Variants in NEGR1 observed in about 807,000 individuals in gnomAD.
NEGR1 encodes the protein neuronal growth regulator 1, also known as IgLON family member 4.
Under a neutral mutation model 40.9 loss-of-function variants are expected in NEGR1, and 10 were observed. The observed-to-expected ratio is 0.24, with a 90% CI of 0.15 to 0.42. NEGR1 has a LOEUF of 0.42. Among genes scored for constraint, NEGR1 ranks in the 10% least tolerant of loss-of-function variants. The pLI is 1.00. For synonymous variants in NEGR1, 185 were observed against 166.8 expected (o/e 1.11, Z -0.84); for missense variants, 352 against 438.9 (o/e 0.80, Z 1.77).
At chr1:72,091,898 CGTGT>C (rs150316693) in intron 1 of NEGR1, among the ~76,000 whole-genome samples, 2 of 151,052 alleles carry the variant, frequency 1.3e-5, no homozygotes, top group East Asian at 1.9e-4. Context: ...CCTCACATAA[CGTGT>C]GTGTGTGTGT....
chr1:71,693,289 A>C (rs1241495267), intron 4 of NEGR1, among the ~76,000 whole-genome samples: 1 of 151,682 alleles, frequency 6.6e-6, no homozygotes, highest in Admixed American at 6.6e-5. Flanking sequence ...GAGAAAAAAA[A>C]TTAATTGTGA....
intron 1 of NEGR1, among the ~76,000 whole-genome samples, chr1:72,006,793 C>T (rs2100392908): frequency 6.6e-6 from 1 of 152,242 alleles, no homozygotes; most frequent in East Asian, 1.9e-4. Context: ...CTTGCAAAGA[C>T]AAGGTTAGAC....
chr1:72,211,591 G>T (rs1653609424), intron 1 of NEGR1, among the ~76,000 whole-genome samples: 1 of 150,286 alleles, frequency 6.7e-6, no homozygotes, highest in Admixed American at 6.7e-5. Flanking sequence ...GTAGGACAAT[G>T]GCATTCATTT....
At chr1:72,203,167 T>A (rs901232349) in intron 1 of NEGR1, among the ~76,000 whole-genome samples, 15 of 152,094 alleles carry the variant, frequency 9.9e-5, no homozygotes, top group Non-Finnish European at 1.6e-4. Flanking sequence ...AGGCTATAGA[T>A]GTCATAGACA....
At chr1:71,549,134 C>G (rs1277889036) in intron 6 of NEGR1, among the ~76,000 whole-genome samples, 1 of 151,684 alleles carries the variant, frequency 6.6e-6, no homozygotes, top group Non-Finnish European at 1.5e-5. Flanking sequence ...TTACTATATC[C>G]TAAACATTAT....
At chr1:71,667,580 G>C (rs1343137488) in intron 4 of NEGR1, among the ~76,000 whole-genome samples, 2 of 152,092 alleles carry the variant, frequency 1.3e-5, no homozygotes, top group African/African-American at 4.8e-5. Context: ...TTTCTGGGAA[G>C]GTCTTAAAGA....
chr1:71,538,136 G>A (rs1195186099), intron 6 of NEGR1, among the ~76,000 whole-genome samples: 2 of 151,592 alleles, frequency 1.3e-5, no homozygotes, highest in African/African-American at 4.8e-5. Flanking sequence ...TACTTCCTTA[G>A]TAAACGTAAT....
intron 5 of NEGR1, among the ~76,000 whole-genome samples, chr1:71,593,641 A>C (rs554097290): frequency 6.6e-6 from 1 of 152,172 alleles, no homozygotes; most frequent in African/African-American, 2.4e-5. Flanking sequence ...GCTATACCCA[A>C]ATTCAAACTA....
intron 1 of NEGR1, among the ~76,000 whole-genome samples, chr1:71,976,342 G>A (rs757208313): frequency 1.3e-5 from 2 of 152,172 alleles, no homozygotes; most frequent in Non-Finnish European, 1.5e-5. Flanking sequence ...GTACGTGAAC[G>A]AAGAGATAAA....
intron 2 of NEGR1, among the ~76,000 whole-genome samples, chr1:71,882,854 T>G (rs1217012429): frequency 1.3e-5 from 2 of 152,086 alleles, no homozygotes. Flanking sequence ...TATGAGTAAT[T>G]TCCTTTGCCT....
At chr1:71,791,934 G>C (rs1657134191) in intron 2 of NEGR1, among the ~76,000 whole-genome samples, 1 of 152,042 alleles carries the variant, frequency 6.6e-6, no homozygotes, top group African/African-American at 2.4e-5. Flanking sequence ...ATCAGCATTT[G>C]GAAATAAACA....
At chr1:71,599,873 G>T (rs547297340) in intron 5 of NEGR1, among the ~76,000 whole-genome samples, 2 of 152,170 alleles carry the variant, frequency 1.3e-5, no homozygotes, top group Admixed American at 1.3e-4. Context: ...CTACAGTACA[G>T]ATGTCAAGCC....
At chr1:72,026,935 G>T (rs953814956) in intron 1 of NEGR1, among the ~76,000 whole-genome samples, 15 of 151,360 alleles carry the variant, frequency 9.9e-5, no homozygotes, top group East Asian at 2.0e-4. Flanking sequence ...TTGTTTTTTG[G>T]TTTTTTTTGA....
At chr1:71,616,422 G>A (rs916607426) in intron 4 of NEGR1, among the ~76,000 whole-genome samples, 2 of 152,260 alleles carry the variant, frequency 1.3e-5, no homozygotes, top group Non-Finnish European at 2.9e-5. Flanking sequence ...CTGAGGTGGA[G>A]CTGAGGCAGT....
rs571469999 is a variant in NEGR1, at chr1:71,745,645, G to C, written c.535+30527C>G. Among the ~76,000 whole-genome samples, 3 of 152,240 alleles carry C rather than the reference G, an allele frequency of 2.0e-5. No homozygotes were observed. In the South Asian group the frequency reaches 6.2e-4, roughly 32 times the overall value. On this transcript the variant is annotated intron_variant, in intron 3 of 6. Coordinates refer to ENST00000357731, the MANE Select transcript of NEGR1 (RefSeq NM_173808.3). ...TTGGGAAAGTTTCAGACCAGGGAAT[G>C]ATGGGCCTCAGAAAACAATAACTCA...
intron 6 of NEGR1, among the ~76,000 whole-genome samples, chr1:71,576,837 T>C (rs943389595): frequency 7.9e-5 from 12 of 152,192 alleles, no homozygotes; most frequent in Non-Finnish European, 1.5e-5. Context: ...GTCTGAAGTA[T>C]AGATTTGATG....
rs552590583 is a variant in NEGR1 at position 72,052,253 on chromosome 1, C to A, written c.177-116942G>T. Among the ~76,000 whole-genome samples the A allele has an allele frequency of 2.6e-5, 4 of 151,368 alleles. No individual in the cohort carries two copies. The South Asian group carries it at 8.3e-4, about 31-fold the overall frequency. On this transcript the variant is annotated intron_variant, in intron 1 of 6. Coordinates refer to ENST00000357731, the MANE Select transcript of NEGR1 (RefSeq NM_173808.3). ...TTGTCAAATTATTCCAGAAAAATGCCTTTGGGCCCTGGAATCCAACAGAAC... is the reference window on the plus strand; with the variant it reads ...TTGTCAAATTATTCCAGAAAAATGCATTTGGGCCCTGGAATCCAACAGAAC...
At chr1:71,606,549 T>C (rs1650081997) in intron 5 of NEGR1, among the ~76,000 whole-genome samples, 1 of 152,140 alleles carries the variant, frequency 6.6e-6, no homozygotes, top group Non-Finnish European at 1.5e-5. Flanking sequence ...AATAATGGCA[T>C]CAGAAACAAG....
chr1:71,515,647 T>G (rs1175796759), intron 6 of NEGR1, among the ~76,000 whole-genome samples: 1 of 113,004 alleles, frequency 8.8e-6, no homozygotes. Flanking sequence ...CCATCCAGAC[T>G]AGGAAGAAAC....
Sources: allele counts gnomAD v4.1 joint callset (sites outside exome capture counted in the v4.1 genomes callset), GRCh38; gene constraint gnomAD v4.1.1; transcripts MANE v1.5; gene names NCBI Gene and HGNC (gene_info 2026-07-23, HGNC 2026-07-21).